WDR13: variants seen among roughly 807,000 people sequenced by gnomAD.
The protein encoded by WDR13 is WD repeat-containing protein 13.
WDR13 carries 1 observed loss-of-function variant against 28.6 expected under a neutral mutation model. The ratio of observed to expected loss-of-function variants is 0.03; its 90% confidence interval spans 0.01 to 0.17. The LOEUF is 0.17. Among genes scored for constraint, WDR13 ranks in the 10% least tolerant of loss-of-function variants. The probability of loss-of-function intolerance (pLI) is 1.00; values close to 1 mark genes in which losing one functional copy is unlikely to be tolerated. For synonymous variants in WDR13, 201 were observed against 185.9 expected (o/e 1.08, Z -0.66); for missense variants, 264 against 469.3 (o/e 0.56, Z 4.04).
In WDR13 at chrX:48,605,145, C is replaced by A; in HGVS notation, c.*113C>A. 1 of 982,705 alleles carries A rather than the reference C, an allele frequency of 1.0e-6. No homozygotes were observed. The highest frequency in any genetic ancestry group is 1.4e-6 in the Non-Finnish European group (1 of 731,560). 81.0% of individuals were successfully genotyped at this position (982,705 alleles called of 1,213,427 possible). ...GGCCGGCTCCCAGCTCTGCCGGGGA[C>A]GGACAGGGCAGAGGGCAGCGGGCAG... On this transcript the variant is annotated 3_prime_UTR_variant, in exon 10 of 10. Coordinates refer to ENST00000376729, the MANE Select transcript of WDR13 (RefSeq NM_001347217.2).
rs1445936889 is a variant in WDR13, at chrX:48,607,697, C to T, written c.*2665C>T. 3 of 109,294 alleles carry T rather than the reference C, an allele frequency of 2.7e-5. No homozygotes were observed. The Admixed American group carries it at 3.0e-4, about 11-fold the overall frequency. 9.0% of individuals were successfully genotyped at this position (109,294 alleles called of 1,213,427 possible). ...TTTTATTGGGGCATGGTCACATAGG[C>T]ACCCCCTGCCTGGCACCTACCCAAA... On this transcript the variant is annotated 3_prime_UTR_variant, in exon 10 of 10. Coordinates refer to ENST00000376729, the MANE Select transcript of WDR13 (RefSeq NM_001347217.2).
At chrX:48,600,170 C>T (rs2062173759) in intron 5 of WDR13, 149 bp from the exon 6 acceptor site, 1 of 559,820 alleles carries the variant, frequency 1.8e-6, no homozygotes, top group African/African-American at 2.3e-5. Context: ...GGTTACAGTT[C>T]CCTTTGTCAG....
At chrX:48,599,535 G>A (rs1409781376) in intron 4 of WDR13, 52 bp from the exon 5 acceptor site, 6 of 1,208,803 alleles carry the variant, frequency 5.0e-6, no homozygotes, top group Non-Finnish European at 6.7e-6. Context: ...ATGGCAGACT[G>A]AACACTCTCG....
In WDR13 at chrX:48,607,003, C is replaced by G. The variant is rs2062224354; in HGVS notation, c.*1971C>G. On this transcript the variant is annotated 3_prime_UTR_variant, in exon 10 of 10. Coordinates refer to ENST00000376729, the MANE Select transcript of WDR13 (RefSeq NM_001347217.2). ...GTGGTGAGATAGGGACATCAGTGAG[C>G]TGGATTGTTCCCATGGTAAAGGTCA... 3.6e-5 allele frequency: 4 copies of G among 111,282 alleles called. No homozygotes were observed. The highest frequency in any genetic ancestry group is 1.9e-5 in the Non-Finnish European group (1 of 53,084). 9.2% of individuals were successfully genotyped at this position (111,282 alleles called of 1,213,427 possible). A position where few individuals can be genotyped will look rare whatever the true frequency, so the allele number is the denominator to read the frequency against.
intron 5 of WDR13, 111 bp downstream of exon 5, chrX:48,599,828 T>G (rs1228362853): frequency 9.3e-6 from 10 of 1,076,777 alleles, no homozygotes; most frequent in Non-Finnish European, 1.3e-5. Flanking sequence ...AAAGGAGGAA[T>G]GACCATCCAT....
chrX:48,599,388 TG>T lies in WDR13; in HGVS notation c.321del (p.His108ThrfsTer16). On this transcript the variant is annotated frameshift_variant, in exon 4 of 10. Transcript: ENST00000376729. LOFTEE classifies it high-confidence loss of function. Reference sequence around the variant, plus strand: ...ATGATCCTCGGGCCCTGGGGGCCCGTGGGCACCGTCGTTCTGTCAGCAGAGG... The same window carrying T: ...ATGATCCTCGGGCCCTGGGGGCCCGTGGCACCGTCGTTCTGTCAGCAGAGG... ...EDDPRALGAR[G>X]HRRSVSRGSY... The T allele has an allele frequency of 8.3e-7, 1 of 1,207,839 alleles. No individual in the cohort carries two copies. The highest frequency in any genetic ancestry group is 2.2e-5 in the Admixed American group (1 of 45,294).
At position 48,605,254 on chromosome X, in the gene WDR13, TTGAA is replaced by T. The variant is rs2062215415; in HGVS notation, c.*225_*228del. The T allele has an allele frequency of 2.3e-6, 1 of 432,914 alleles. No individual in the cohort carries two copies. The highest frequency in any genetic ancestry group is 4.0e-6 in the Non-Finnish European group (1 of 251,853). The allele number at this position is 432,914 out of a possible 1,213,427, so 35.7% of individuals were successfully genotyped here. A position where few individuals can be genotyped will look rare whatever the true frequency, so the allele number is the denominator to read the frequency against. On this transcript the variant is annotated 3_prime_UTR_variant, in exon 10 of 10. Transcript: ENST00000376729. ...GATTCATTCATTCCACAAGCATTGA[TTGAA>T]TGTCTGCTGGGTTACAGGCCCTGCC...
intron 9 of WDR13, among the ~76,000 whole-genome samples, 190 bp downstream of exon 9, chrX:48,604,580 A>C (rs991015191): frequency 1.8e-5 from 2 of 112,531 alleles, no homozygotes; most frequent in Non-Finnish European, 3.8e-5. Context: ...TTTGCACTTG[A>C]TCTCGGCCAA....
intron 6 of WDR13, among the ~76,000 whole-genome samples, chrX:48,601,428 T>C (rs1172474206): frequency 8.9e-6 from 1 of 111,997 alleles, no homozygotes; most frequent in African/African-American, 3.2e-5. Context: ...CTCCCCGCAT[T>C]AGCAGCAGCC....
intron 8 of WDR13, among the ~76,000 whole-genome samples, chrX:48,603,723 C>T (rs1370710523): frequency 9.0e-6 from 1 of 111,143 alleles, no homozygotes; most frequent in Non-Finnish European, 1.9e-5. Context: ...TGTGGAAACC[C>T]CCCCAGGTTA....
Position 48,604,972 on chromosome X carries a change from C to T in WDR13, c.1398C>T (p.Ser466=). ...ATGTCAGCTTCAACTGCGACGAGAG[C>T]CTACTGGCCTCCAGTGACGCCAGCG... is the stretch of plus-strand genomic sequence containing the variant. ...VLDVSFNCDE[S]LLASSDASGM... The change falls in exon 10 of 10, where the codon AGC becomes AGT. Residue 466 remains serine, a synonymous_variant. Transcript: ENST00000376729. 8.3e-7 allele frequency: 1 copy of T among 1,211,243 alleles called. No homozygotes were observed. Among genetic ancestry groups the T allele is most frequent in the Non-Finnish European group, 1.1e-6 (1 of 894,885 alleles).
Position 48,598,974 on chromosome X carries a change from A to G in WDR13, c.282+17A>G, listed in dbSNP as rs375160002. 8.4e-7 allele frequency: 1 copy of G among 1,187,184 alleles called. No homozygotes were observed. Among genetic ancestry groups the G allele is most frequent in the Non-Finnish European group, 1.1e-6 (1 of 882,386 alleles). ...CGCATGGAGGTGAGCTTCTGGCCAC[A>G]TTCACCCCCGGGCATACCCTGCCTG... On this transcript the variant is annotated intron_variant, in intron 3 of 9. Transcript: ENST00000376729.
chrX:48,599,997 T>G (rs2062172553), intron 5 of WDR13: 7 of 423,901 alleles, frequency 1.7e-5, no homozygotes, highest in Non-Finnish European at 2.4e-5. Context: ...TAAATCCCCT[T>G]GCAGAGGGCA....
chrX:48,600,652 C>T (rs1556994194), intron 6 of WDR13, 26 bp downstream of exon 6: 1 of 1,196,427 alleles, frequency 8.4e-7, no homozygotes, highest in Admixed American at 2.2e-5. Flanking sequence ...ACCCACTCAC[C>T]AAGGGCTGGT....
rs1304285654 is a variant in WDR13 at position 48,608,590 on chromosome X, A to C, written c.*3558A>C. On this transcript the variant is annotated 3_prime_UTR_variant, in exon 10 of 10. Transcript: ENST00000376729. ...AACACCACACAGATGCCCAGTTTCT[A>C]CCAAGGTCTGTGGATGGCAGGATAA... is the stretch of plus-strand genomic sequence containing the variant. 1 of 112,548 alleles carries C rather than the reference A, an allele frequency of 8.9e-6. No homozygotes were observed. The highest frequency in any genetic ancestry group is 1.9e-5 in the Non-Finnish European group (1 of 53,312). The allele number at this position is 112,548 out of a possible 1,213,427, so 9.3% of individuals were successfully genotyped here.
intron 1 of WDR13, 81 bp from the exon 2 acceptor site, chrX:48,597,877 A>G: frequency 4.6e-6 from 5 of 1,081,403 alleles, no homozygotes; most frequent in Non-Finnish European, 6.1e-6. Context: ...CTCGATGTCT[A>G]TGGCAATGGT....
chrX:48,604,430 G>T, intron 9 of WDR13, 40 bp downstream of exon 9: 1 of 1,152,707 alleles, frequency 8.7e-7, no homozygotes. Flanking sequence ...TGGCTGGGGA[G>T]GGGCAGGAAC....
chrX:48,597,949 G>A lies in WDR13; in HGVS notation c.-39-9G>A. ...CGGGACGCTCACATTCCAGGCCCTTGTCCTGCAGGCTGCCGCGGGCGGACA... is the reference window on the plus strand; with the variant it reads ...CGGGACGCTCACATTCCAGGCCCTTATCCTGCAGGCTGCCGCGGGCGGACA... On this transcript the variant is annotated splice_polypyrimidine_tract_variant and intron_variant, in intron 1 of 9. Coordinates refer to ENST00000376729, the MANE Select transcript of WDR13 (RefSeq NM_001347217.2). 1.7e-6 allele frequency: 2 copies of A among 1,163,886 alleles called. No homozygotes were observed. The highest frequency in any genetic ancestry group is 2.3e-6 in the Non-Finnish European group (2 of 871,622).
intron 6 of WDR13, among the ~76,000 whole-genome samples, chrX:48,601,327 G>C: frequency 8.9e-6 from 1 of 112,704 alleles, no homozygotes; most frequent in Admixed American, 9.4e-5. Context: ...CAGAGAGCAG[G>C]GGAAGGACAT....
Sources: allele counts gnomAD v4.1 joint callset (sites outside exome capture counted in the v4.1 genomes callset), GRCh38; gene constraint gnomAD v4.1.1; transcripts MANE v1.5; gene names NCBI Gene and HGNC (gene_info 2026-07-23, HGNC 2026-07-21).